The following BRAF variants were observed in gnomAD, a reference collection of about 807,000 sequenced individuals.
The protein encoded by BRAF is B-Raf proto-oncogene, serine/threonine kinase, also known as serine/threonine-protein kinase B-raf.
Under a neutral mutation model 104.6 loss-of-function variants are expected in BRAF, and 16 were observed. The observed-to-expected ratio is 0.15, with a 90% CI of 0.10 to 0.23. The LOEUF (loss-of-function observed/expected upper bound fraction) is 0.23. BRAF is among the 10% of genes least tolerant of loss of function. BRAF has a pLI of 1.00. For missense variants in BRAF, 541 were observed against 937.3 expected, an observed-to-expected ratio of 0.58 and a Z score of 5.52; for synonymous variants, 310 against 341.6, an observed-to-expected ratio of 0.91 and a Z score of 1.02.
chr7:140,852,417 A>C (rs1053217214), intron 1 of BRAF, among the ~76,000 whole-genome samples: 1 of 151,852 alleles, frequency 6.6e-6, no homozygotes, highest in South Asian at 2.1e-4. Flanking sequence ...CAAAAACCAA[A>C]CAAACAAACA....
chr7:140,766,957 G>T (rs769511078), intron 14 of BRAF, among the ~76,000 whole-genome samples: 3 of 151,900 alleles, frequency 2.0e-5, no homozygotes, highest in Non-Finnish European at 4.4e-5. Flanking sequence ...CTTCCCAAAG[G>T]GCTGGGATTA....
At position 140,763,672 on chromosome 7, in the gene BRAF, T is replaced by C. The variant is rs576453768; in HGVS notation, c.1815-9439A>G. 1.6e-4 allele frequency among the ~76,000 whole-genome samples: 25 copies of C among 152,300 alleles called. 1 individual carries two copies. Among genetic ancestry groups the C allele is most frequent in the African/African-American group, 5.3e-4 (22 of 41,576 alleles). ...CATCAGAGAATACTACAAACACCTC[T>C]ATGCAAATAAACTAGAAAATCTAGA... On this transcript the variant is annotated intron_variant, in intron 14 of 19. Coordinates refer to ENST00000644969, the MANE Select transcript of BRAF (RefSeq NM_001374258.1).
intron 18 of BRAF, among the ~76,000 whole-genome samples, chr7:140,736,391 A>AT (rs916743942): frequency 6.8e-6 from 1 of 147,572 alleles, no homozygotes; most frequent in African/African-American, 2.5e-5. Context: ...TTTTTTATGT[A>AT]TAAAAATACA....
intron 1 of BRAF, among the ~76,000 whole-genome samples, chr7:140,885,947 T>C (rs1813515977): frequency 6.6e-6 from 1 of 152,124 alleles, no homozygotes; most frequent in East Asian, 1.9e-4. Flanking sequence ...CTGTAATAGT[T>C]TGGTATGATT....
intron 14 of BRAF, among the ~76,000 whole-genome samples, chr7:140,770,537 A>AG (rs1799737856): frequency 6.6e-6 from 1 of 151,584 alleles, no homozygotes; most frequent in Non-Finnish European, 1.5e-5. Flanking sequence ...CAAAAAAAAA[A>AG]AAAAAAAAAG....
At chr7:140,761,081 T>C (rs1406235793) in intron 14 of BRAF, among the ~76,000 whole-genome samples, 2 of 151,992 alleles carry the variant, frequency 1.3e-5, no homozygotes, top group Non-Finnish European at 2.9e-5. Context: ...CCAAGACACA[T>C]AACTGTCAGA....
Position 140,810,575 on chromosome 7 carries a change from A to G in BRAF, c.505-1580T>C, listed in dbSNP as rs1463203201. ...ACAGAGCGAGATACTGTCACAAACA[A>G]ACAAAGAAAAACCCTGAACTTTTAC... is the stretch of plus-strand genomic sequence containing the variant. On this transcript the variant is annotated intron_variant, in intron 3 of 19. Coordinates refer to ENST00000644969, the MANE Select transcript of BRAF (RefSeq NM_001374258.1). 4.6e-5 allele frequency among the ~76,000 whole-genome samples: 7 copies of G among 152,272 alleles called. No individual in the cohort carries two copies. The East Asian group carries it at 1.2e-3, about 25-fold the overall frequency.
chr7:140,762,045 G>T (rs1163206186), intron 14 of BRAF, among the ~76,000 whole-genome samples: 1 of 152,158 alleles, frequency 6.6e-6, no homozygotes. Context: ...GGACCTAATA[G>T]ACATCTACAG....
At chr7:140,871,977 G>A (rs368611050) in intron 1 of BRAF, among the ~76,000 whole-genome samples, 3 of 152,210 alleles carry the variant, frequency 2.0e-5, no homozygotes, top group East Asian at 3.9e-4. Context: ...AGCACTTTGG[G>A]AGGCCGCGGC....
At chr7:140,798,879 C>T (rs1008489384) in intron 7 of BRAF, among the ~76,000 whole-genome samples, 2 of 151,920 alleles carry the variant, frequency 1.3e-5, no homozygotes, top group African/African-American at 4.8e-5. Flanking sequence ...CAGAATCTCA[C>T]CTGTCACCCA....
Position 140,808,873 on chromosome 7 carries a change from C to T in BRAF, c.608+19G>A, listed in dbSNP as rs200908826. 1.1e-5 allele frequency: 18 copies of T among 1,584,598 alleles called. No individual in the cohort carries two copies. Among genetic ancestry groups the T allele is most frequent in the African/African-American group, 4.0e-5 (3 of 74,206 alleles). On this transcript the variant is annotated intron_variant, in intron 4 of 19. Transcript: ENST00000644969. ...GATTTTCTTTTTAAACAAAATTTCA[C>T]GTCACATACAAACCATACCCATCCT...
chr7:140,719,689 C>T lies in BRAF; in HGVS notation c.*6805G>A. 1 of 1,060,248 alleles carries T rather than the reference C, an allele frequency of 9.4e-7. No homozygotes were observed. The highest frequency in any genetic ancestry group is 1.1e-6 in the Non-Finnish European group (1 of 875,280). 65.7% of individuals were successfully genotyped at this position (1,060,248 alleles called of 1,614,324 possible). On this transcript the variant is annotated 3_prime_UTR_variant, in exon 20 of 20. Coordinates refer to ENST00000644969, the MANE Select transcript of BRAF (RefSeq NM_001374258.1). The stretch of plus-strand genomic sequence containing the variant: ...AAAGAGGGAGACATCATCCATTTGA[C>T]TGAAAATAAATGTCTTTTTTATGAA...
intron 1 of BRAF, among the ~76,000 whole-genome samples, chr7:140,868,234 T>TG (rs1313326421): frequency 1.3e-4 from 20 of 152,208 alleles, no homozygotes; most frequent in Admixed American, 9.8e-4. Context: ...TAATACGTTC[T>TG]GTTAGGGAAA....
intron 17 of BRAF, among the ~76,000 whole-genome samples, chr7:140,747,016 T>G (rs1388305770): frequency 6.6e-6 from 1 of 152,066 alleles, no homozygotes; most frequent in African/African-American, 2.4e-5. Flanking sequence ...GTATTCACAT[T>G]GCATAGTAAA....
Position 140,722,110 on chromosome 7 carries a change from G to A in BRAF, c.*4384C>T, listed in dbSNP as rs1795351933. The A allele has an allele frequency of 9.3e-7, 1 of 1,074,196 alleles. No homozygotes were observed. The highest frequency in any genetic ancestry group is 1.1e-6 in the Non-Finnish European group (1 of 885,714). The allele number at this position is 1,074,196 out of a possible 1,614,324, so 66.5% of individuals were successfully genotyped here. On this transcript the variant is annotated 3_prime_UTR_variant, in exon 20 of 20. Transcript: ENST00000644969. Reference sequence around the variant, plus strand: ...TTGTATAAAAGTTCCATGCTTTGAAGAGCCTATGGGAGTAGAAAAAGTTTC... The same window carrying A: ...TTGTATAAAAGTTCCATGCTTTGAAAAGCCTATGGGAGTAGAAAAAGTTTC...
At chr7:140,750,652 G>A (rs1284905121) in intron 16 of BRAF, among the ~76,000 whole-genome samples, 2 of 152,132 alleles carry the variant, frequency 1.3e-5, no homozygotes, top group Admixed American at 6.5e-5. Context: ...GTTGCTTTTA[G>A]TAATACAGTA....
intron 1 of BRAF, among the ~76,000 whole-genome samples, chr7:140,915,394 A>G (rs1817507143): frequency 6.6e-6 from 1 of 152,132 alleles, no homozygotes; most frequent in Non-Finnish European, 1.5e-5. Flanking sequence ...AAAAATATAA[A>G]ACAAAAGTAT....
chr7:140,749,213 T>C (rs1797588931), intron 17 of BRAF, 74 bp downstream of exon 16: 3 of 1,590,714 alleles, frequency 1.9e-6, no homozygotes, highest in South Asian at 2.2e-5. Flanking sequence ...ACCCAGGAGT[T>C]AACACTTATT....
intron 3 of BRAF, among the ~76,000 whole-genome samples, chr7:140,828,302 A>G (rs1806301495): frequency 6.6e-6 from 1 of 152,240 alleles, no homozygotes; most frequent in Non-Finnish European, 1.5e-5. Context: ...AGGCCATACA[A>G]AAATAGATGG....
Sources: allele counts gnomAD v4.1 joint callset (sites outside exome capture counted in the v4.1 genomes callset), GRCh38; gene constraint gnomAD v4.1.1; transcripts MANE v1.5; gene names NCBI Gene and HGNC (gene_info 2026-07-23, HGNC 2026-07-21).